Variants in ACTR5 observed in about 807,000 individuals in gnomAD.
The protein encoded by ACTR5 is actin related protein 5.
Under a neutral mutation model 61.2 loss-of-function variants are expected in ACTR5, and 43 were observed. The ratio of observed to expected loss-of-function variants is 0.70; its 90% CI spans 0.55 to 0.91. ACTR5 has a LOEUF of 0.91. Among genes scored for constraint, ACTR5 ranks in the 40% least tolerant of loss-of-function variants. ACTR5 has a pLI of 0.00. For missense variants in ACTR5, 798 were observed against 782.2 expected, an observed-to-expected ratio of 1.02 and a Z score of -0.24; for synonymous variants, 333 against 310.5, an observed-to-expected ratio of 1.07 and a Z score of -0.76.
chr20:38,767,717 T>A, intron 8 of ACTR5, 121 bp downstream of exon 8: 2 of 1,114,912 alleles, frequency 1.8e-6, no homozygotes, highest in Non-Finnish European at 2.5e-6. Flanking sequence ...CTTCTGGTCT[T>A]AAGTCCATGC....
At chr20:38,754,779 C>T (rs1211325922) in intron 3 of ACTR5, among the ~76,000 whole-genome samples, 178 bp from the exon 4 acceptor site, 1 of 151,970 alleles carries the variant, frequency 6.6e-6, no homozygotes, top group Non-Finnish European at 1.5e-5. Flanking sequence ...TTAGTAGAGA[C>T]AGGGTTTCAC....
chr20:38,763,702 C>G (rs371760439), intron 5 of ACTR5, among the ~76,000 whole-genome samples: 3 of 152,224 alleles, frequency 2.0e-5, no homozygotes, highest in African/African-American at 7.2e-5. Flanking sequence ...CCATAGCATC[C>G]TCACCCATCA....
intron 4 of ACTR5, 32 bp downstream of exon 4, chr20:38,755,206 C>T (rs1384526320): frequency 2.6e-6 from 4 of 1,530,240 alleles, no homozygotes; most frequent in East Asian, 2.3e-5. Flanking sequence ...GGCGCCCTTC[C>T]GTGTTAACAA....
Position 38,752,137 on chromosome 20 carries a change from T to C in ACTR5, c.612T>C (p.Asp204=), listed in dbSNP as rs1425662831. The change falls in exon 3 of 9, where the codon GAT becomes GAC. Residue 204 remains aspartate, a synonymous_variant. Transcript: ENST00000243903. Reference sequence around the variant, plus strand: ...TTCTACTGCTTGGTTATAGATTAGATGCTAAAAACTGCAAGCGCATCAATC... The same window carrying C: ...TTCTACTGCTTGGTTATAGATTAGACGCTAAAAACTGCAAGCGCATCAATC... ...HVLPILEGRL[D]AKNCKRINLG... The C allele has an allele frequency of 1.2e-6, 2 of 1,613,024 alleles. No homozygotes were observed. Among genetic ancestry groups the C allele is most frequent in the Admixed American group, 3.3e-5 (2 of 59,960 alleles).
intron 5 of ACTR5, among the ~76,000 whole-genome samples, chr20:38,758,644 C>G (rs2084434749): frequency 1.0e-5 from 1 of 99,012 alleles, no homozygotes; most frequent in Non-Finnish European, 2.2e-5. Flanking sequence ...AAGACCCCGT[C>G]TCAAAAAAAA....
At position 38,752,155 on chromosome 20, in the gene ACTR5, C is replaced by T. The variant is rs756005949; in HGVS notation, c.630C>T (p.Arg210=). 1.1e-5 allele frequency: 17 copies of T among 1,613,822 alleles called. No homozygotes were observed. The highest frequency in any genetic ancestry group is 1.4e-5 in the Non-Finnish European group (17 of 1,179,788). The change falls in exon 3 of 9, where the codon CGC becomes CGT. Residue 210 remains arginine (R), a synonymous_variant. Coordinates refer to ENST00000243903, the MANE Select transcript of ACTR5 (RefSeq NM_024855.4). ...GATTAGATGCTAAAAACTGCAAGCGCATCAATCTTGGAGGAAGCCAAGCAG... is the reference window on the plus strand; with the variant it reads ...GATTAGATGCTAAAAACTGCAAGCGTATCAATCTTGGAGGAAGCCAAGCAG... ...EGRLDAKNCK[R]INLGGSQAAG...
At chr20:38,754,572 A>C (rs1484797789) in intron 3 of ACTR5, among the ~76,000 whole-genome samples, 1 of 151,952 alleles carries the variant, frequency 6.6e-6, no homozygotes, top group East Asian at 2.0e-4. Flanking sequence ...CAAAAAAATT[A>C]GCCGGGCATG....
chr20:38,755,885 A>T lies in ACTR5; in HGVS notation c.1022A>T (p.Gln341Leu). 1 of 1,614,210 alleles carries T rather than the reference A, an allele frequency of 6.2e-7. No homozygotes were observed. Among genetic ancestry groups the T allele is most frequent in the South Asian group, 1.1e-5 (1 of 91,080 alleles). ...QELLEDGQMD[Q>L]FHKALIELNM... ...CTTCTAGAGGATGGCCAGATGGATC[A>T]GTTTCACAAAGCTCTGATAGAGCTG... Residue 341 changes from glutamine (Q) to leucine (L), a missense_variant, in exon 5 of 9, where the codon CAG becomes CTG. Transcript: ENST00000243903.
chr20:38,767,436 A>T (rs771761055), intron 7 of ACTR5, 28 bp from the exon 8 acceptor site: 2 of 1,596,104 alleles, frequency 1.3e-6, no homozygotes, highest in South Asian at 2.3e-5. Flanking sequence ...GAGTTAAGGG[A>T]CTATATTAGG....
chr20:38,764,371 T>C (rs2084472904), intron 5 of ACTR5, among the ~76,000 whole-genome samples: 1 of 152,210 alleles, frequency 6.6e-6, no homozygotes, highest in Non-Finnish European at 1.5e-5. Context: ...TAAATATTTC[T>C]ACCCAGAACT....
intron 3 of ACTR5, among the ~76,000 whole-genome samples, chr20:38,753,011 ATTAAC>A (rs533430769): frequency 1.9e-3 from 284 of 152,312 alleles, no homozygotes; most frequent in African/African-American, 6.5e-3. Flanking sequence ...CTGTGTTTTA[ATTAAC>A]TTTAGAAAGC....
At chr20:38,765,642 A>T (rs1417311562) in intron 6 of ACTR5, 124 bp downstream of exon 6, 3 of 738,694 alleles carry the variant, frequency 4.1e-6, no homozygotes, top group African/African-American at 3.5e-5. Context: ...ACCAATACTT[A>T]AAACATCTGA....
At chr20:38,755,781 G>T in intron 4 of ACTR5, 76 bp from the exon 5 acceptor site, 2 of 1,553,050 alleles carry the variant, frequency 1.3e-6, no homozygotes, top group Non-Finnish European at 1.8e-6. Flanking sequence ...AGCTCTGGAA[G>T]CCCTCTCCAG....
intron 1 of ACTR5, 39 bp downstream of exon 1, chr20:38,748,892 G>C: frequency 6.4e-7 from 1 of 1,567,450 alleles, no homozygotes; most frequent in South Asian, 1.2e-5. Context: ...TGGGTTTGAG[G>C]GGAGGGGTGC....
intron 2 of ACTR5, 115 bp downstream of exon 2, chr20:38,750,354 C>A: frequency 2.3e-6 from 2 of 866,544 alleles, no homozygotes; most frequent in East Asian, 2.7e-5. Flanking sequence ...GTGAACTGAG[C>A]CGTTGGGCTT....
intron 5 of ACTR5, among the ~76,000 whole-genome samples, chr20:38,759,133 G>C (rs2084437970): frequency 6.6e-6 from 1 of 152,166 alleles, no homozygotes; most frequent in Non-Finnish European, 1.5e-5. Context: ...CACAGGTTTT[G>C]AGCATCATCA....
At position 38,750,070 on chromosome 20, in the gene ACTR5, C is replaced by T. The variant is rs771681903; in HGVS notation, c.436C>T (p.Gln146Ter). ...TGTGTGCAACCCACTGTATTCACGG[C>T]AAATGATGTCTGAGCTTCTTTTTGA... ...EAVCNPLYSR[Q>*]MMSELLFECY... The change falls in exon 2 of 9, where the codon CAA (glutamine) becomes TAA (stop). Residue 146 changes from glutamine to a stop codon, truncating the protein, a stop_gained. Transcript: ENST00000243903. LOFTEE classifies it high-confidence loss of function. The T allele has an allele frequency of 3.1e-6, 5 of 1,614,218 alleles. No individual in the cohort carries two copies. Among genetic ancestry groups the T allele is most frequent in the Non-Finnish European group, 2.5e-6 (3 of 1,180,040 alleles).
At chr20:38,770,100 G>A (rs1027729626) in intron 8 of ACTR5, among the ~76,000 whole-genome samples, 1 of 152,030 alleles carries the variant, frequency 6.6e-6, no homozygotes, top group Non-Finnish European at 1.5e-5. Flanking sequence ...ACCTGGCCTA[G>A]CCTCAGCTCC....
At chr20:38,750,314 A>T (rs1226708879) in intron 2 of ACTR5, 75 bp downstream of exon 2, 2 of 1,312,886 alleles carry the variant, frequency 1.5e-6, no homozygotes, top group Admixed American at 2.0e-5. Context: ...CGTGCTTTAA[A>T]GGCAGAGTAG....
Sources: gnomAD v4.1 joint callset for allele counts (sites outside exome capture counted in the v4.1 genomes callset) on GRCh38, gnomAD v4.1.1 for gene constraint, MANE v1.5 for transcripts, NCBI Gene and HGNC (gene_info 2026-07-23, HGNC 2026-07-21) for gene names.